Variants in ATXN1 observed in about 807,000 individuals in gnomAD.
The protein encoded by ATXN1 is ataxin 1, also known as ataxin-1.
Under a neutral mutation model 56.4 loss-of-function variants are expected in ATXN1, and 8 were observed. That is an observed-to-expected ratio of 0.14 (90% CI 0.08 to 0.26). ATXN1 has a LOEUF of 0.26. Ranked by LOEUF, ATXN1 falls within the 10% of genes least tolerant of loss-of-function variation. ATXN1 has a pLI of 1.00. For synonymous variants in ATXN1, 514 were observed against 494.6 expected (o/e 1.04, Z -0.52); for missense variants, 987 against 1,106.5 (o/e 0.89, Z 1.53).
intron 6 of ATXN1, among the ~76,000 whole-genome samples, chr6:16,384,408 T>C (rs1264507063): frequency 2.6e-5 from 4 of 152,210 alleles, no homozygotes; most frequent in Non-Finnish European, 5.9e-5. Context: ...TCTCTTCATA[T>C]TCATTCCCAC....
intron 7 of ATXN1, among the ~76,000 whole-genome samples, chr6:16,318,564 T>C (rs1224196250): frequency 6.6e-6 from 1 of 152,190 alleles, no homozygotes; most frequent in Non-Finnish European, 1.5e-5. Context: ...AAATCATTAA[T>C]AAAAACAGTC....
intron 3 of ATXN1, among the ~76,000 whole-genome samples, chr6:16,597,705 G>C (rs1397860215): frequency 3.3e-5 from 5 of 149,880 alleles, no homozygotes; most frequent in Non-Finnish European, 7.3e-5. Context: ...CTCCCAAGGT[G>C]CTGGGATTTG....
intron 2 of ATXN1, among the ~76,000 whole-genome samples, chr6:16,667,887 C>T (rs1423077218): frequency 1.3e-5 from 2 of 152,120 alleles, no homozygotes; most frequent in African/African-American, 4.8e-5. Flanking sequence ...TTTTTCAATG[C>T]CCGGCTCAAG....
At chr6:16,726,102 C>T (rs963831866) in intron 2 of ATXN1, among the ~76,000 whole-genome samples, 6 of 152,134 alleles carry the variant, frequency 3.9e-5, no homozygotes, top group African/African-American at 9.7e-5. Context: ...GGGTTCCAGC[C>T]GGGCACAGTG....
At chr6:16,582,278 T>C (rs1352368687) in intron 4 of ATXN1, among the ~76,000 whole-genome samples, 5 of 152,236 alleles carry the variant, frequency 3.3e-5, no homozygotes, top group African/African-American at 2.4e-5. Flanking sequence ...TATGATGGTG[T>C]TGACTGTATC....
intron 6 of ATXN1, among the ~76,000 whole-genome samples, chr6:16,393,183 G>A (rs1305282506): frequency 6.6e-6 from 1 of 152,148 alleles, no homozygotes; most frequent in African/African-American, 2.4e-5. Context: ...ACAAAATAGT[G>A]TATGACTTAC....
chr6:16,436,019 T>A (rs1442588333), intron 6 of ATXN1, among the ~76,000 whole-genome samples: 1 of 152,088 alleles, frequency 6.6e-6, no homozygotes, highest in East Asian at 1.9e-4. Flanking sequence ...TGCCTTAGCC[T>A]CCTGAGTGGC....
intron 4 of ATXN1, among the ~76,000 whole-genome samples, chr6:16,524,155 C>T (rs1011192285): frequency 6.6e-6 from 1 of 152,164 alleles, no homozygotes; most frequent in Non-Finnish European, 1.5e-5. Flanking sequence ...GGCCCACCAG[C>T]CTGCAGGAAG....
intron 6 of ATXN1, among the ~76,000 whole-genome samples, chr6:16,434,928 T>C (rs1759357189): frequency 6.6e-6 from 1 of 152,178 alleles, no homozygotes; most frequent in Admixed American, 6.5e-5. Flanking sequence ...CCAGAGAAGC[T>C]GTGGCTCCTA....
intron 6 of ATXN1, among the ~76,000 whole-genome samples, chr6:16,437,142 G>A (rs1759410476): frequency 6.6e-6 from 1 of 152,208 alleles, no homozygotes; most frequent in Non-Finnish European, 1.5e-5. Context: ...CCAGGCTGGA[G>A]AAGGTGTCAG....
intron 4 of ATXN1, among the ~76,000 whole-genome samples, chr6:16,576,761 T>A (rs1159794381): frequency 1.3e-5 from 2 of 152,208 alleles, no homozygotes; most frequent in African/African-American, 4.8e-5. Context: ...TGAATGCACA[T>A]ACAAATAAGC....
intron 3 of ATXN1, among the ~76,000 whole-genome samples, chr6:16,654,471 G>A (rs1224034945): frequency 1.3e-5 from 2 of 150,940 alleles, no homozygotes; most frequent in East Asian, 1.9e-4. Context: ...TTGAACCTGG[G>A]AGGCGAAGGT....
chr6:16,465,165 T>C (rs961502801), intron 6 of ATXN1, among the ~76,000 whole-genome samples: 1 of 152,212 alleles, frequency 6.6e-6, no homozygotes, highest in African/African-American at 2.4e-5. Context: ...GTGGAATTAA[T>C]CAGGCAAGGT....
intron 4 of ATXN1, among the ~76,000 whole-genome samples, chr6:16,561,290 G>T (rs1762111970): frequency 1.3e-5 from 2 of 152,052 alleles, no homozygotes; most frequent in South Asian, 4.1e-4. Context: ...AAAACTATCT[G>T]ATTAACTGCA....
At chr6:16,592,162 G>A (rs1762734320) in intron 3 of ATXN1, among the ~76,000 whole-genome samples, 1 of 152,054 alleles carries the variant, frequency 6.6e-6, no homozygotes, top group African/African-American at 2.4e-5. Context: ...GACGACTCCC[G>A]GGAGAGCTCT....
At chr6:16,309,731 T>A (rs1424524060) in intron 7 of ATXN1, among the ~76,000 whole-genome samples, 4 of 151,928 alleles carry the variant, frequency 2.6e-5, no homozygotes, top group Non-Finnish European at 2.9e-5. Context: ...GGAAAAAATA[T>A]CGTTAAAAGC....
chr6:16,460,426 G>A (rs1283528118), intron 6 of ATXN1, among the ~76,000 whole-genome samples: 7 of 152,164 alleles, frequency 4.6e-5, no homozygotes, highest in African/African-American at 1.7e-4. Context: ...CTATCTTAGT[G>A]TCAGAGGCTA....
chr6:16,651,082 T>C (rs777612124), intron 3 of ATXN1, among the ~76,000 whole-genome samples: 2 of 152,212 alleles, frequency 1.3e-5, no homozygotes, highest in Admixed American at 6.5e-5. Context: ...ACCCTTTCTT[T>C]CATATGAGAA....
At chr6:16,434,831 T>C (rs1759354781) in intron 6 of ATXN1, among the ~76,000 whole-genome samples, 2 of 152,140 alleles carry the variant, frequency 1.3e-5, no homozygotes, top group Non-Finnish European at 2.9e-5. Flanking sequence ...CATGATATAA[T>C]CACATAAATA....
Sources: gnomAD v4.1 joint callset for allele counts (sites outside exome capture counted in the v4.1 genomes callset) on GRCh38, gnomAD v4.1.1 for gene constraint, MANE v1.5 for transcripts, NCBI Gene and HGNC (gene_info 2026-07-23, HGNC 2026-07-21) for gene names.